The following UBE2D2 variants were observed in gnomAD, a reference collection of about 807,000 sequenced individuals.
UBE2D2 encodes ubiquitin-conjugating enzyme E2 D2.
In UBE2D2, 2 loss-of-function variants were observed where a neutral mutation model predicts 24.2. The observed-to-expected ratio is 0.08, with a 90% confidence interval of 0.03 to 0.26. The LOEUF is 0.26. Among genes scored for constraint, UBE2D2 ranks in the 10% least tolerant of loss-of-function variants. UBE2D2 has a pLI of 1.00. For missense variants in UBE2D2, 44 were observed against 177.6 expected (o/e 0.25, Z 4.28); for synonymous variants, 58 against 56.5 (o/e 1.03, Z -0.12).
intron 1 of UBE2D2, among the ~76,000 whole-genome samples, chr5:139,552,675 ATTTTTTTT>A (rs35039276): frequency 1.9e-4 from 11 of 59,340 alleles, no homozygotes; most frequent in South Asian, 5.6e-4. Flanking sequence ...CGCTTGGCTA[ATTTTTTTT>A]TTTTTTTTTT....
chr5:139,570,392 G>A (rs930173709), intron 1 of UBE2D2, among the ~76,000 whole-genome samples: 2 of 152,180 alleles, frequency 1.3e-5, no homozygotes, highest in Non-Finnish European at 2.9e-5. Flanking sequence ...CCAGGCTGAA[G>A]TGCAGTTGTG....
chr5:139,536,227 G>A (rs575806219), intron 1 of UBE2D2, among the ~76,000 whole-genome samples: 28 of 152,232 alleles, frequency 1.8e-4, no homozygotes, highest in Non-Finnish European at 3.8e-4. Context: ...AGCCTCCGGA[G>A]TAGCTGGGAT....
chr5:139,531,781 G>A (rs1382965662), intron 1 of UBE2D2, among the ~76,000 whole-genome samples: 3 of 152,070 alleles, frequency 2.0e-5, no homozygotes, highest in South Asian at 2.1e-4. Context: ...GGGCAACAGT[G>A]TGGGACCTTG....
At chr5:139,622,932 G>A (rs1754543328) in intron 5 of UBE2D2, among the ~76,000 whole-genome samples, 1 of 145,496 alleles carries the variant, frequency 6.9e-6, no homozygotes, top group Non-Finnish European at 1.5e-5. Flanking sequence ...TGCCAGGTGT[G>A]GTGGCTCACG....
chr5:139,583,465 C>T (rs1266591433), intron 1 of UBE2D2, among the ~76,000 whole-genome samples: 1 of 152,040 alleles, frequency 6.6e-6, no homozygotes, highest in Non-Finnish European at 1.5e-5. Context: ...ACAATTTTGT[C>T]AATTTAAAGA....
chr5:139,568,673 A>G (rs1343746209), intron 1 of UBE2D2, among the ~76,000 whole-genome samples: 1 of 147,530 alleles, frequency 6.8e-6, no homozygotes. Flanking sequence ...GAAAAAAATG[A>G]AAATAAAAAA....
At chr5:139,611,710 G>A (rs930095292) in intron 2 of UBE2D2, among the ~76,000 whole-genome samples, 1 of 152,092 alleles carries the variant, frequency 6.6e-6, no homozygotes, top group Non-Finnish European at 1.5e-5. Flanking sequence ...AAATTTACAG[G>A]TATGTTTATA....
intron 1 of UBE2D2, among the ~76,000 whole-genome samples, chr5:139,549,647 G>A (rs1402348705): frequency 1.3e-5 from 2 of 152,234 alleles, no homozygotes; most frequent in Non-Finnish European, 2.9e-5. Context: ...TGAGCTCGCG[G>A]GGCTGGAGAC....
chr5:139,526,335 C>T (rs1465672982), upstream of UBE2D2: 2 of 152,240 alleles, frequency 1.3e-5, no homozygotes, highest in Non-Finnish European at 2.9e-5. Context: ...ATCTATGGCT[C>T]GTCCTGCTAC....
rs559682448 is a variant in UBE2D2, at chr5:139,549,375, G to A, written c.-64+22763G>A. 4.1e-4 allele frequency among the ~76,000 whole-genome samples: 62 copies of A among 152,322 alleles called. 2 individuals carry two copies. The South Asian group carries it at 0.012, about 30-fold the overall frequency. ...GCCCAGGCAGGAACTGGGGCTGCGC[G>A]CATGGCACTCGAGGGCCAGCGCGAG... On this transcript the variant is annotated intron_variant, in intron 1 of 6. Transcript: ENST00000511725.
At chr5:139,589,052 A>G (rs369632328) in intron 1 of UBE2D2, among the ~76,000 whole-genome samples, 123 of 152,244 alleles carry the variant, frequency 8.1e-4, no homozygotes, top group African/African-American at 2.7e-3. Flanking sequence ...TGGCCTCCCA[A>G]AGTGCTGACA....
At chr5:139,547,796 G>A (rs1752853231) in intron 1 of UBE2D2, among the ~76,000 whole-genome samples, 1 of 151,966 alleles carries the variant, frequency 6.6e-6, no homozygotes. Flanking sequence ...TCAGGTTCAA[G>A]TGATTCTCCT....
At chr5:139,621,442 G>A (rs955432897) in intron 5 of UBE2D2, among the ~76,000 whole-genome samples, 22 of 152,298 alleles carry the variant, frequency 1.4e-4, no homozygotes, top group Non-Finnish European at 2.8e-4. Context: ...TGTAATGAGT[G>A]TATGACCATC....
Position 139,618,674 on chromosome 5 carries a change from C to T in UBE2D2, c.304+3708C>T, listed in dbSNP as rs115205580. ...TCTTTTTGTTCTTCCCCTTGCCTAG[C>T]GTTGATTTTTTTTCAGCTATTCCAA... On this transcript the variant is annotated intron_variant, in intron 5 of 6. Coordinates refer to ENST00000398733, the MANE Select transcript of UBE2D2 (RefSeq NM_003339.3). Among the ~76,000 whole-genome samples, 1,179 of 152,146 alleles carry T rather than the reference C, an allele frequency of 7.7e-3. 8 individuals are homozygous for T. Among genetic ancestry groups the T allele is most frequent in the Middle Eastern group, 0.041 (12 of 294 alleles).
At chr5:139,592,193 CTCTG>C (rs1753860018) in intron 1 of UBE2D2, among the ~76,000 whole-genome samples, 1 of 152,102 alleles carries the variant, frequency 6.6e-6, no homozygotes, top group Non-Finnish European at 1.5e-5. Context: ...CAAAGCAAGA[CTCTG>C]TCTTACAAAA....
At chr5:139,574,735 C>CAAAAAAAAAAA (rs75539434) in intron 1 of UBE2D2, among the ~76,000 whole-genome samples, 9 of 70,742 alleles carry the variant, frequency 1.3e-4, no homozygotes, top group Non-Finnish European at 2.1e-4. Context: ...GGTGGGGTGG[C>CAAAAAAAAAAA]AAAAAAAAAA....
At chr5:139,571,515 C>T (rs1753351571) in intron 1 of UBE2D2, among the ~76,000 whole-genome samples, 1 of 151,980 alleles carries the variant, frequency 6.6e-6, no homozygotes, top group African/African-American at 2.4e-5. Context: ...ATTCTGTTCT[C>T]CCCAGGTTAG....
At chr5:139,626,564 G>A (rs1754632570) in intron 6 of UBE2D2, among the ~76,000 whole-genome samples, 192 bp from the exon 7 acceptor site, 1 of 152,160 alleles carries the variant, frequency 6.6e-6, no homozygotes, top group African/African-American at 2.4e-5. Flanking sequence ...AATTAAAGGA[G>A]ACTTTCACAT....
intron 1 of UBE2D2, among the ~76,000 whole-genome samples, chr5:139,550,644 G>A (rs753549420): frequency 3.3e-5 from 5 of 151,876 alleles, no homozygotes; most frequent in Non-Finnish European, 5.9e-5. Context: ...CTGAGTTTAT[G>A]AGCTGTAACA....
Sources: allele counts gnomAD v4.1 joint callset (sites outside exome capture counted in the v4.1 genomes callset), GRCh38; gene constraint gnomAD v4.1.1; transcripts MANE v1.5; gene names NCBI Gene and HGNC (gene_info 2026-07-23, HGNC 2026-07-21).